Variants in SRBD1 observed in about 807,000 individuals in gnomAD.
SRBD1 encodes the protein S1 RNA-binding domain-containing protein 1.
Under a neutral mutation model 115.3 loss-of-function variants are expected in SRBD1, and 88 were observed. The observed-to-expected ratio is 0.76, with a 90% CI of 0.64 to 0.91. The LOEUF (loss-of-function observed/expected upper bound fraction) is 0.91, where lower values mean the gene tolerates loss of function less well. Among genes scored for constraint, SRBD1 ranks in the 40% least tolerant of loss-of-function variants. The pLI is 0.00. For missense variants in SRBD1, 1,385 were observed against 1,177.4 expected, an observed-to-expected ratio of 1.18 and a Z score of -2.58; for synonymous variants, 509 against 407.7, an observed-to-expected ratio of 1.25 and a Z score of -2.99.
intron 16 of SRBD1, among the ~76,000 whole-genome samples, chr2:45,464,436 C>T (rs1669417815): frequency 6.6e-6 from 1 of 152,180 alleles, no homozygotes; most frequent in Non-Finnish European, 1.5e-5. Flanking sequence ...AAAGACATTT[C>T]ACGTCCTCAG....
At chr2:45,487,168 T>TC (rs544318662) in intron 15 of SRBD1, among the ~76,000 whole-genome samples, 19 of 152,114 alleles carry the variant, frequency 1.2e-4, no homozygotes, top group Non-Finnish European at 2.1e-4. Context: ...CATATATATC[T>TC]CTCCAGGTAT....
chr2:45,514,456 A>G (rs1227912883), intron 14 of SRBD1, among the ~76,000 whole-genome samples: 1 of 152,208 alleles, frequency 6.6e-6, no homozygotes, highest in Non-Finnish European at 1.5e-5. Context: ...CTTATCTATG[A>G]AAAGGGAAAA....
At position 45,430,925 on chromosome 2, in the gene SRBD1, A is replaced by C. The variant is rs185117453; in HGVS notation, c.2050-11031T>G. Among the ~76,000 whole-genome samples, 864 of 152,346 alleles carry C rather than the reference A, an allele frequency of 5.7e-3. 4 individuals carry two copies. Among genetic ancestry groups the C allele is most frequent in the Non-Finnish European group, 0.01 (692 of 68,038 alleles). ...CAAAGGGCTAATATCCAGAATCTACAACGAACTTAAACAAATTTACAAGAA... is the reference window on the plus strand; with the variant it reads ...CAAAGGGCTAATATCCAGAATCTACCACGAACTTAAACAAATTTACAAGAA... On this transcript the variant is annotated intron_variant, in intron 16 of 20. Coordinates refer to ENST00000263736, the MANE Select transcript of SRBD1 (RefSeq NM_018079.5).
intron 19 of SRBD1, among the ~76,000 whole-genome samples, chr2:45,412,259 T>G (rs1360052856): frequency 2.0e-5 from 3 of 152,196 alleles, no homozygotes; most frequent in Non-Finnish European, 4.4e-5. Flanking sequence ...AATTTTTCTG[T>G]ATGGCTAAAT....
At chr2:45,609,665 A>G (rs1315743254) in intron 1 of SRBD1, among the ~76,000 whole-genome samples, 1 of 152,032 alleles carries the variant, frequency 6.6e-6, no homozygotes, top group Non-Finnish European at 1.5e-5. Context: ...CACCTCAGGT[A>G]CTCTCTGCCT....
chr2:45,546,940 T>C (rs1265839194), intron 13 of SRBD1, 101 bp from the exon 14 acceptor site: 1 of 1,138,282 alleles, frequency 8.8e-7, no homozygotes, highest in Admixed American at 1.8e-5. Context: ...TATGATTCTC[T>C]TATTCTCTCA....
chr2:45,585,788 ATACT>A lies in SRBD1; in HGVS notation c.649-18_649-15del, dbSNP rs1158889470. 4 of 1,568,514 alleles carry A rather than the reference ATACT, an allele frequency of 2.6e-6. No homozygotes were observed. Among genetic ancestry groups the A allele is most frequent in the Admixed American group, 4.1e-5 (2 of 48,920 alleles). The stretch of plus-strand genomic sequence containing the variant: ...CTCAGATAAAACCTGCAAATTAAAG[ATACT>A]TAGTGATTTAAAATGCTGAAAATTA... On this transcript the variant is annotated splice_polypyrimidine_tract_variant and intron_variant, in intron 4 of 20. Transcript: ENST00000263736.
At chr2:45,484,939 T>G (rs1186665502) in intron 15 of SRBD1, among the ~76,000 whole-genome samples, 1 of 152,224 alleles carries the variant, frequency 6.6e-6, no homozygotes, top group Non-Finnish European at 1.5e-5. Context: ...TTTTTACGGC[T>G]GAATGATATT....
intron 4 of SRBD1, among the ~76,000 whole-genome samples, chr2:45,586,580 C>T (rs1346069017): frequency 6.6e-6 from 1 of 151,974 alleles, no homozygotes; most frequent in African/African-American, 2.4e-5. Context: ...GTGTCTCGCT[C>T]TTTCACCCAG....
intron 14 of SRBD1, among the ~76,000 whole-genome samples, chr2:45,493,050 A>G (rs139073700): frequency 6.4e-4 from 97 of 152,340 alleles, no homozygotes; most frequent in African/African-American, 2.2e-3. Flanking sequence ...AGGCTCTACA[A>G]ATATCTAGCA....
intron 14 of SRBD1, 139 bp from the exon 15 acceptor site, chr2:45,488,470 C>G: frequency 1.7e-6 from 1 of 600,074 alleles, no homozygotes; most frequent in East Asian, 2.9e-5. Context: ...ATGATACTGA[C>G]AGCATCTAAT....
intron 9 of SRBD1, chr2:45,569,252 G>A (rs1169497699): frequency 6.6e-6 from 1 of 152,178 alleles, no homozygotes; most frequent in African/African-American, 2.4e-5. Context: ...ATTCACAGGA[G>A]CAATCCCACT....
At chr2:45,456,250 A>C (rs978628624) in intron 16 of SRBD1, among the ~76,000 whole-genome samples, 1 of 151,916 alleles carries the variant, frequency 6.6e-6, no homozygotes, top group East Asian at 1.9e-4. Context: ...AGAAAACGGC[A>C]ATCAATATAT....
At position 45,549,696 on chromosome 2, in the gene SRBD1, C is replaced by CAAAAAAAAAAAAAAAA. The variant is rs10646755; in HGVS notation, c.1675+1413_1675+1428dup. 7.1e-5 allele frequency among the ~76,000 whole-genome samples: 6 copies of CAAAAAAAAAAAAAAAA among 84,726 alleles called. 1 individual carries two copies. The highest frequency in any genetic ancestry group is 8.8e-5 in the Non-Finnish European group (4 of 45,246). 55.6% of individuals were successfully genotyped at this position (84,726 alleles called of 152,430 possible). ...CGAAACTCCGTCTCTACTAAAAATACAAAAAAAAAAAAAAAAAAAAGGCAG... is the reference window on the plus strand; with the variant it reads ...CGAAACTCCGTCTCTACTAAAAATACAAAAAAAAAAAAAAAAAAAAAAAAAAAAAAAAAAAAGGCAG... On this transcript the variant is annotated intron_variant, in intron 12 of 20. Transcript: ENST00000263736.
intron 9 of SRBD1, among the ~76,000 whole-genome samples, chr2:45,566,531 G>C (rs1458026817): frequency 6.6e-6 from 1 of 152,176 alleles, no homozygotes; most frequent in Non-Finnish European, 1.5e-5. Context: ...AAAGTTGGCT[G>C]CCTAGAGCTT....
At chr2:45,492,327 C>G (rs1307120852) in intron 14 of SRBD1, among the ~76,000 whole-genome samples, 1 of 152,172 alleles carries the variant, frequency 6.6e-6, no homozygotes, top group Admixed American at 6.5e-5. Context: ...ACTTTTCTTA[C>G]AGTGACTATT....
rs184797683 is a variant in SRBD1 at position 45,443,959 on chromosome 2, A to G, written c.2050-24065T>C. Among the ~76,000 whole-genome samples the G allele has an allele frequency of 5.3e-5, 8 of 152,290 alleles. No individual in the cohort carries two copies. In the East Asian group the frequency reaches 1.5e-3, roughly 29 times the overall value. On this transcript the variant is annotated intron_variant, in intron 16 of 20. Transcript: ENST00000263736. ...CCATAAATGTCTATTACAGGGCTGA[A>G]TTTCCAGAGAAATATTCATAATCTG...
chr2:45,469,072 T>C (rs1319611846), intron 16 of SRBD1, among the ~76,000 whole-genome samples: 1 of 152,178 alleles, frequency 6.6e-6, no homozygotes, highest in African/African-American at 2.4e-5. Flanking sequence ...TCTTTTCATG[T>C]CTTGATTTGC....
At chr2:45,540,667 C>A (rs375417829) in intron 14 of SRBD1, among the ~76,000 whole-genome samples, 2 of 152,042 alleles carry the variant, frequency 1.3e-5, no homozygotes, top group African/African-American at 2.4e-5. Context: ...TACTCTTATT[C>A]AATAATCACA....
Sources: gnomAD v4.1 joint callset for allele counts (sites outside exome capture counted in the v4.1 genomes callset) on GRCh38, gnomAD v4.1.1 for gene constraint, MANE v1.5 for transcripts, NCBI Gene and HGNC (gene_info 2026-07-23, HGNC 2026-07-21) for gene names.